The following DMD variants were observed in gnomAD, a reference collection of about 807,000 sequenced individuals.
The protein encoded by DMD is dystrophin.
DMD carries 63 observed loss-of-function variants against 330.1 expected under a neutral mutation model. That is an observed-to-expected ratio of 0.19 (90% CI 0.16 to 0.24). DMD has a LOEUF of 0.24. DMD is among the 10% of genes least tolerant of loss of function. The probability of loss-of-function intolerance (pLI) is 1.00; values close to 1 mark genes in which losing one functional copy is unlikely to be tolerated. For synonymous variants in DMD, 1,223 were observed against 959.8 expected (o/e 1.27, Z -5.07); for missense variants, 3,344 against 2,684.1 (o/e 1.25, Z -5.43).
chrX:32,446,931 G>A (rs1469502003), intron 27 of DMD, among the ~76,000 whole-genome samples: 1 of 110,238 alleles, frequency 9.1e-6, no homozygotes, highest in East Asian at 2.8e-4. Flanking sequence ...TACATGAGAA[G>A]GAAATGGAAA....
chrX:32,794,966 G>T (rs991939899), intron 7 of DMD, among the ~76,000 whole-genome samples: 1 of 111,957 alleles, frequency 8.9e-6, no homozygotes, highest in African/African-American at 3.3e-5. Flanking sequence ...GGAGGGAAAG[G>T]TCCGTATAAA....
At chrX:33,063,072 C>G (rs931912698) in intron 1 of DMD, among the ~76,000 whole-genome samples, 9 of 111,991 alleles carry the variant, frequency 8.0e-5, no homozygotes, top group African/African-American at 2.3e-4. Flanking sequence ...AGAATATATA[C>G]TGTTATAAGC....
chrX:31,887,755 GTCT>G (rs1224839879), intron 47 of DMD, among the ~76,000 whole-genome samples: 3 of 111,433 alleles, frequency 2.7e-5, no homozygotes, highest in Non-Finnish European at 5.7e-5. Context: ...TCCAACTTAT[GTCT>G]TCTTTCTTCT....
chrX:32,113,818 C>A (rs973791490), intron 44 of DMD, among the ~76,000 whole-genome samples: 3 of 111,727 alleles, frequency 2.7e-5, no homozygotes, highest in African/African-American at 9.7e-5. Flanking sequence ...TCATTCCTAC[C>A]TCTCAGACAC....
chrX:33,197,441 GGT>G (rs370111253), intron 1 of DMD, among the ~76,000 whole-genome samples: 5 of 109,228 alleles, frequency 4.6e-5, no homozygotes, highest in South Asian at 3.9e-4. Context: ...GTGTGACTCT[GGT>G]GTGTGTGTGT....
intron 7 of DMD, among the ~76,000 whole-genome samples, chrX:32,759,961 A>G (rs2072048562): frequency 8.9e-6 from 1 of 111,886 alleles, no homozygotes; most frequent in Admixed American, 9.5e-5. Flanking sequence ...CTGTAAAATA[A>G]GATAGAGGAT....
chrX:31,425,247 C>A (rs929108380), intron 60 of DMD, among the ~76,000 whole-genome samples: 3 of 112,254 alleles, frequency 2.7e-5, no homozygotes, highest in Non-Finnish European at 5.6e-5. Flanking sequence ...ATACTGTGAG[C>A]TCTGAAAAGG....
chrX:32,167,968 A>G (rs928517717), intron 44 of DMD, among the ~76,000 whole-genome samples: 2 of 112,395 alleles, frequency 1.8e-5, no homozygotes, highest in African/African-American at 6.5e-5. Context: ...TTAAATGTAC[A>G]TTTTCATTAA....
intron 2 of DMD, among the ~76,000 whole-genome samples, chrX:32,857,955 TCAGGTAGGGGATTC>T (rs1255797427): frequency 9.1e-6 from 1 of 109,977 alleles, no homozygotes; most frequent in Non-Finnish European, 1.9e-5. Flanking sequence ...GGATTATAGG[TCAGGTAGGGGATTC>T]CATGTACACC....
chrX:32,974,096 T>A (rs2147155381), intron 2 of DMD, among the ~76,000 whole-genome samples: 1 of 111,925 alleles, frequency 8.9e-6, no homozygotes, highest in East Asian at 2.8e-4. Flanking sequence ...TACAATGAAA[T>A]TTTATTTAGC....
chrX:32,433,203 T>C (rs751028179), intron 29 of DMD, among the ~76,000 whole-genome samples: 10 of 112,188 alleles, frequency 8.9e-5, no homozygotes, highest in Non-Finnish European at 1.3e-4. Context: ...TTAATTGCCA[T>C]ATTCACTTAT....
rs1557019894 is a variant in DMD at position 32,777,277 on chromosome X, T to TGGCGGG, written c.649+32215_649+32216insCCCGCC. The stretch of plus-strand genomic sequence containing the variant: ...CTAGTTTTTAAGTTTGGTTTCTGGT[T>TGGCGGG]GGGGGGGGAATCCTACCAAGCTAGG... On this transcript the variant is annotated intron_variant, in intron 7 of 78. Transcript: ENST00000357033. Among the ~76,000 whole-genome samples, 9 of 2,113 alleles carry TGGCGGG rather than the reference T, an allele frequency of 4.3e-3. 2 individuals carry two copies. Among genetic ancestry groups the TGGCGGG allele is most frequent in the African/African-American group, 0.019 (6 of 323 alleles). 1.8% of individuals were successfully genotyped at this position (2,113 alleles called of 115,157 possible).
intron 44 of DMD, among the ~76,000 whole-genome samples, chrX:32,140,753 A>G (rs1160789588): frequency 9.0e-6 from 1 of 111,206 alleles, no homozygotes; most frequent in Non-Finnish European, 1.9e-5. Context: ...TGATAAAACC[A>G]ACAGATCTCG....
At chrX:31,891,312 T>C (rs1435545718) in intron 47 of DMD, among the ~76,000 whole-genome samples, 1 of 110,995 alleles carries the variant, frequency 9.0e-6, no homozygotes, top group Non-Finnish European at 1.9e-5. Flanking sequence ...AAAGAGAATA[T>C]GGATATAAAT....
intron 2 of DMD, among the ~76,000 whole-genome samples, chrX:32,856,134 G>T (rs1242794235): frequency 9.0e-6 from 1 of 111,731 alleles, no homozygotes; most frequent in Non-Finnish European, 1.9e-5. Context: ...AGTTAAAATG[G>T]CTTATATCCA....
At chrX:31,872,463 G>C (rs2093907040) in intron 48 of DMD, among the ~76,000 whole-genome samples, 1 of 111,826 alleles carries the variant, frequency 8.9e-6, no homozygotes, top group Non-Finnish European at 1.9e-5. Context: ...GGGGGGCACA[G>C]ACTGGGACAA....
chrX:32,882,050 G>A (rs769872939), intron 2 of DMD, among the ~76,000 whole-genome samples: 342 of 111,871 alleles, frequency 3.1e-3, no homozygotes, highest in African/African-American at 0.011. Flanking sequence ...ATTCAATTTA[G>A]CTTGTGTTTT....
intron 74 of DMD, among the ~76,000 whole-genome samples, chrX:31,154,169 T>C (rs1372838340): frequency 8.9e-6 from 1 of 112,387 alleles, no homozygotes; most frequent in Non-Finnish European, 1.9e-5. Context: ...GCCAATACTT[T>C]TTGAGGTATA....
chrX:33,007,094 C>T, intron 2 of DMD, among the ~76,000 whole-genome samples: 1 of 111,157 alleles, frequency 9.0e-6, no homozygotes, highest in Non-Finnish European at 1.9e-5. Context: ...CATCTCTCTA[C>T]TTCTACCTTT....
Sources: allele counts gnomAD v4.1 joint callset (sites outside exome capture counted in the v4.1 genomes callset), GRCh38; gene constraint gnomAD v4.1.1; transcripts MANE v1.5; gene names NCBI Gene and HGNC (gene_info 2026-07-23, HGNC 2026-07-21).